Variants in GRIN2A observed in about 807,000 individuals in gnomAD.
GRIN2A encodes glutamate receptor ionotropic, NMDA 2A.
Under a neutral mutation model 113.4 loss-of-function variants are expected in GRIN2A, and 22 were observed. The ratio of observed to expected loss-of-function variants is 0.19; its 90% CI spans 0.14 to 0.28. GRIN2A has a LOEUF of 0.28. Among genes scored for constraint, GRIN2A ranks in the 10% least tolerant of loss-of-function variants. GRIN2A has a pLI of 1.00. For missense variants in GRIN2A, 1,502 were observed against 1,887.0 expected (o/e 0.80, Z 3.78); for synonymous variants, 827 against 738.4 (o/e 1.12, Z -1.94).
At chr16:10,108,158 T>A (rs1476828282) in intron 2 of GRIN2A, among the ~76,000 whole-genome samples, 1 of 152,180 alleles carries the variant, frequency 6.6e-6, no homozygotes, top group Non-Finnish European at 1.5e-5. Flanking sequence ...AAAAAGAGGT[T>A]TAATGGACTT....
chr16:9,803,072 A>G (rs551179135), intron 10 of GRIN2A, among the ~76,000 whole-genome samples: 132 of 152,286 alleles, frequency 8.7e-4, no homozygotes, highest in Non-Finnish European at 1.3e-3. Flanking sequence ...CTTTGGGCAA[A>G]GCAACTGCAT....
chr16:9,780,994 C>CT (rs5815547), intron 11 of GRIN2A, among the ~76,000 whole-genome samples: 40,892 of 145,196 alleles, frequency 0.28, 6,045 homozygotes, highest in African/African-American at 0.35. Flanking sequence ...GGTCACTAAT[C>CT]TTTTTTTTTT....
intron 7 of GRIN2A, among the ~76,000 whole-genome samples, chr16:9,836,343 TG>T (rs2042583763): frequency 6.6e-6 from 1 of 152,370 alleles, no homozygotes; most frequent in East Asian, 1.9e-4. Flanking sequence ...AAGGGCGTGC[TG>T]GTTTTTGAAA....
chr16:9,945,353 C>A (rs1272530949), intron 2 of GRIN2A, among the ~76,000 whole-genome samples: 2 of 151,860 alleles, frequency 1.3e-5, no homozygotes, highest in South Asian at 2.1e-4. Context: ...GAGAGCCATT[C>A]CAGCAGAAGA....
At chr16:9,978,977 G>A (rs905729460) in intron 2 of GRIN2A, among the ~76,000 whole-genome samples, 11 of 152,170 alleles carry the variant, frequency 7.2e-5, no homozygotes, top group African/African-American at 7.2e-5. Context: ...CTCCCACAAC[G>A]AAACCTGTGA....
At chr16:10,081,130 G>A (rs987402258) in intron 2 of GRIN2A, among the ~76,000 whole-genome samples, 1 of 152,156 alleles carries the variant, frequency 6.6e-6, no homozygotes, top group Non-Finnish European at 1.5e-5. Context: ...CTACCATGGG[G>A]CAATTTCCGA....
rs57766484 is a variant in GRIN2A at position 10,058,699 on chromosome 16, C to T, written c.415-120148G>A. Among the ~76,000 whole-genome samples, 772 of 152,294 alleles carry T rather than the reference C, an allele frequency of 5.1e-3. 6 individuals are homozygous for T. The highest frequency in any genetic ancestry group is 0.018 in the African/African-American group (728 of 41,554). On this transcript the variant is annotated intron_variant, in intron 2 of 12. Transcript: ENST00000330684. ...TCCATCCACAGACCCCTTAGGGGCC[C>T]GTTTATGTGATTTATATGTTTAGGT... is the stretch of plus-strand genomic sequence containing the variant.
intron 2 of GRIN2A, among the ~76,000 whole-genome samples, chr16:9,983,511 C>T (rs1456720904): frequency 6.6e-6 from 1 of 150,744 alleles, no homozygotes; most frequent in Non-Finnish European, 1.5e-5. Flanking sequence ...GTGATCTCAG[C>T]TCACTGCAAG....
At chr16:10,044,546 T>G (rs2047226512) in intron 2 of GRIN2A, among the ~76,000 whole-genome samples, 1 of 151,690 alleles carries the variant, frequency 6.6e-6, no homozygotes, top group Non-Finnish European at 1.5e-5. Flanking sequence ...TTGTGTTCTA[T>G]ACATATCTTT....
intron 10 of GRIN2A, among the ~76,000 whole-genome samples, chr16:9,819,443 C>G (rs1054171373): frequency 6.6e-6 from 1 of 151,594 alleles, no homozygotes; most frequent in Admixed American, 6.6e-5. Context: ...ATTACCTGAG[C>G]CCAGGGAAGT....
intron 2 of GRIN2A, among the ~76,000 whole-genome samples, chr16:10,032,041 T>TA (rs1443593693): frequency 1.3e-5 from 2 of 152,240 alleles, no homozygotes; most frequent in African/African-American, 4.8e-5. Context: ...ACACAGTACT[T>TA]ATTACAGCGC....
intron 2 of GRIN2A, among the ~76,000 whole-genome samples, chr16:10,070,461 A>G (rs146850202): frequency 2.6e-5 from 4 of 152,346 alleles, no homozygotes; most frequent in African/African-American, 4.8e-5. Flanking sequence ...ACTGGTCCAC[A>G]GCTCAGAAGC....
At chr16:9,988,284 CGTGTGTGT>C (rs4031160) in intron 2 of GRIN2A, among the ~76,000 whole-genome samples, 5 of 146,840 alleles carry the variant, frequency 3.4e-5, no homozygotes, top group Non-Finnish European at 6.0e-5. Flanking sequence ...TGTGTGTGTG[CGTGTGTGT>C]GTGTGTGTGT....
At chr16:9,992,749 G>A (rs1306569362) in intron 2 of GRIN2A, among the ~76,000 whole-genome samples, 1 of 152,194 alleles carries the variant, frequency 6.6e-6, no homozygotes, top group African/African-American at 2.4e-5. Flanking sequence ...ACATGGAAGT[G>A]TGGACAGTGG....
At chr16:9,778,152 G>C (rs1901720265) in intron 11 of GRIN2A, among the ~76,000 whole-genome samples, 1 of 152,172 alleles carries the variant, frequency 6.6e-6, no homozygotes, top group Non-Finnish European at 1.5e-5. Context: ...AAGAGGATTG[G>C]ACAATAAAAG....
rs1364744354 is a variant in GRIN2A, at chr16:10,176,998, T to C, written c.414+3000A>G. Among the ~76,000 whole-genome samples, 4 of 152,208 alleles carry C rather than the reference T, an allele frequency of 2.6e-5. No individual in the cohort carries two copies. The East Asian group carries it at 7.7e-4, about 29-fold the overall frequency. ...AACACACGTGTGTTCTGGATGACTT[T>C]ACCAAATCAACATCATTTTAACAGG... On this transcript the variant is annotated intron_variant, in intron 2 of 12. Coordinates refer to ENST00000330684, the MANE Select transcript of GRIN2A (RefSeq NM_001134407.3).
At chr16:10,119,801 T>C (rs545833392) in intron 2 of GRIN2A, among the ~76,000 whole-genome samples, 2 of 152,344 alleles carry the variant, frequency 1.3e-5, no homozygotes, top group South Asian at 4.1e-4. Context: ...GTTCGCACTG[T>C]TTAGCTCCCA....
At chr16:9,795,076 G>T (rs1435035761) in intron 11 of GRIN2A, among the ~76,000 whole-genome samples, 3 of 152,050 alleles carry the variant, frequency 2.0e-5, no homozygotes, top group Non-Finnish European at 2.9e-5. Flanking sequence ...GATATCAGAG[G>T]CGTGTGAACC....
chr16:9,880,594 G>C (rs1421570090), intron 4 of GRIN2A, among the ~76,000 whole-genome samples: 2 of 152,146 alleles, frequency 1.3e-5, no homozygotes, highest in South Asian at 2.1e-4. Flanking sequence ...ACTCCCAGGG[G>C]AGAGGCTTAG....
Sources: allele counts gnomAD v4.1 joint callset (sites outside exome capture counted in the v4.1 genomes callset), GRCh38; gene constraint gnomAD v4.1.1; transcripts MANE v1.5; gene names NCBI Gene and HGNC (gene_info 2026-07-23, HGNC 2026-07-21).